TTLL11: variants seen among roughly 807,000 people sequenced by gnomAD.
TTLL11 encodes the protein tubulin tyrosine ligase like 11.
Under a neutral mutation model 51.7 loss-of-function variants are expected in TTLL11, and 42 were observed. That is an observed-to-expected ratio of 0.81 (90% CI 0.64 to 1.05). The LOEUF is 1.05. Ranked by LOEUF, TTLL11 falls within the 50% of genes least tolerant of loss-of-function variation. TTLL11 has a pLI of 0.00. For synonymous variants in TTLL11, 381 were observed against 383.5 expected, an observed-to-expected ratio of 0.99 and a Z score of 0.08; for missense variants, 799 against 940.4, an observed-to-expected ratio of 0.85 and a Z score of 1.97.
chr9:121,912,308 C>T (rs753824545), intron 6 of TTLL11, among the ~76,000 whole-genome samples: 1 of 152,188 alleles, frequency 6.6e-6, no homozygotes, highest in African/African-American at 2.4e-5. Context: ...CCTGAGGAAA[C>T]ATCCAGAACA....
chr9:122,019,146 C>T (rs1019877122), intron 3 of TTLL11, among the ~76,000 whole-genome samples: 1 of 152,196 alleles, frequency 6.6e-6, no homozygotes, highest in African/African-American at 2.4e-5. Flanking sequence ...ATATTACTCA[C>T]CTCTGATCTT....
At chr9:121,967,950 C>T (rs768302711) in intron 6 of TTLL11, among the ~76,000 whole-genome samples, 24 of 152,108 alleles carry the variant, frequency 1.6e-4, no homozygotes, top group Admixed American at 7.9e-4. Flanking sequence ...GCTAAATCTG[C>T]AGAGACAGAA....
At chr9:121,879,326 T>TCCAC (rs1838686813) in intron 6 of TTLL11, among the ~76,000 whole-genome samples, 2 of 152,322 alleles carry the variant, frequency 1.3e-5, no homozygotes, top group African/African-American at 2.4e-5. Flanking sequence ...CCACTGCTCC[T>TCCAC]TCTTGGGAAA....
intron 1 of TTLL11, among the ~76,000 whole-genome samples, chr9:122,069,411 G>A (rs1012372875): frequency 1.2e-4 from 19 of 152,210 alleles, no homozygotes; most frequent in Non-Finnish European, 1.9e-4. Flanking sequence ...GGCTGGGCAT[G>A]GTGGCTCACG....
intron 3 of TTLL11, among the ~76,000 whole-genome samples, chr9:121,998,150 AC>A (rs1843338706): frequency 6.6e-6 from 1 of 152,082 alleles, no homozygotes; most frequent in African/African-American, 2.4e-5. Context: ...AATGTATACG[AC>A]TGGTTATAGT....
chr9:121,944,203 T>C (rs569726036), intron 6 of TTLL11, among the ~76,000 whole-genome samples: 23 of 152,336 alleles, frequency 1.5e-4, no homozygotes, highest in Non-Finnish European at 3.1e-4. Context: ...TTCACTAGTA[T>C]AGCAAGAAAA....
At chr9:122,015,676 CG>C (rs921351193) in intron 3 of TTLL11, among the ~76,000 whole-genome samples, 1 of 152,016 alleles carries the variant, frequency 6.6e-6, no homozygotes, top group Non-Finnish European at 1.5e-5. Flanking sequence ...GCGCTCCCAC[CG>C]GACGGCATCA....
chr9:121,984,237 C>T (rs1564341166), intron 4 of TTLL11, among the ~76,000 whole-genome samples: 1 of 150,628 alleles, frequency 6.6e-6, no homozygotes, highest in Non-Finnish European at 1.5e-5. Context: ...CACTTGTGTT[C>T]CTGTTAGGTT....
At chr9:121,854,844 A>G (rs1837765693) in intron 8 of TTLL11, among the ~76,000 whole-genome samples, 3 of 152,358 alleles carry the variant, frequency 2.0e-5, no homozygotes, top group Middle Eastern at 6.8e-3. Context: ...GAGGGCTACG[A>G]CATCCCAGTT....
intron 4 of TTLL11, among the ~76,000 whole-genome samples, chr9:121,978,474 TTTATTTATTTATTTATTTA>T: frequency 1.7e-5 from 1 of 59,358 alleles, no homozygotes; most frequent in African/African-American, 9.4e-5. Context: ...TATTTATTTA[TTTATTTATTTATTTATTTA>T]TTGAAAATTC....
intron 7 of TTLL11, among the ~76,000 whole-genome samples, 156 bp downstream of exon 7, chr9:121,870,341 C>G (rs1838316016): frequency 6.6e-6 from 1 of 152,158 alleles, no homozygotes; most frequent in Non-Finnish European, 1.5e-5. Context: ...TGAGATTCTA[C>G]CATGTGCCAG....
chr9:121,924,534 A>G lies in TTLL11; in HGVS notation c.1481+49475T>C, dbSNP rs759235658. Reference sequence around the variant, plus strand: ...GAACAATCCTTTCAGAGGAAGATGAAAAAGACTTGGCCAAGCAAGATCGGG... The same window carrying G: ...GAACAATCCTTTCAGAGGAAGATGAGAAAGACTTGGCCAAGCAAGATCGGG... On this transcript the variant is annotated intron_variant, in intron 6 of 8. Coordinates refer to ENST00000321582, the MANE Select transcript of TTLL11 (RefSeq NM_001139442.2). 1.4e-4 allele frequency among the ~76,000 whole-genome samples: 22 copies of G among 152,350 alleles called. No individual in the cohort carries two copies. In the East Asian group the frequency reaches 4.2e-3, roughly 29 times the overall value.
chr9:121,964,374 T>C (rs1842336858), intron 6 of TTLL11, among the ~76,000 whole-genome samples: 1 of 152,152 alleles, frequency 6.6e-6, no homozygotes, highest in Non-Finnish European at 1.5e-5. Flanking sequence ...CTCAGCTCAC[T>C]GCAACCTCTG....
chr9:122,089,741 C>A (rs1311295023), intron 1 of TTLL11, among the ~76,000 whole-genome samples: 1 of 152,158 alleles, frequency 6.6e-6, no homozygotes, highest in East Asian at 1.9e-4. Flanking sequence ...GTAATAATCA[C>A]AAGCCTAATA....
intron 2 of TTLL11, among the ~76,000 whole-genome samples, chr9:122,033,319 G>C (rs1260194035): frequency 6.6e-6 from 1 of 151,818 alleles, no homozygotes; most frequent in African/African-American, 2.4e-5. Context: ...CACCATGTTG[G>C]CCAGGCTGGT....
intron 2 of TTLL11, among the ~76,000 whole-genome samples, chr9:122,032,586 T>A (rs1255173811): frequency 6.7e-6 from 1 of 150,216 alleles, no homozygotes; most frequent in Non-Finnish European, 1.5e-5. Context: ...AGGCGGAGCT[T>A]GCAATGAGCC....
At chr9:122,019,990 G>A (rs1844119405) in intron 3 of TTLL11, among the ~76,000 whole-genome samples, 2 of 152,114 alleles carry the variant, frequency 1.3e-5, no homozygotes, top group Non-Finnish European at 2.9e-5. Flanking sequence ...TGATTGTGAG[G>A]CATCCCCAGC....
At chr9:122,008,395 C>A (rs1336911068) in intron 3 of TTLL11, among the ~76,000 whole-genome samples, 2 of 152,086 alleles carry the variant, frequency 1.3e-5, no homozygotes, top group African/African-American at 4.8e-5. Context: ...AAACAAATAA[C>A]CCTATTAAAG....
At chr9:122,059,002 G>A (rs1291230322) in intron 1 of TTLL11, among the ~76,000 whole-genome samples, 2 of 151,926 alleles carry the variant, frequency 1.3e-5, no homozygotes, top group Non-Finnish European at 2.9e-5. Context: ...TCCACAGCCT[G>A]CAGGTCCTTA....
Sources: gnomAD v4.1 joint callset for allele counts (sites outside exome capture counted in the v4.1 genomes callset) on GRCh38, gnomAD v4.1.1 for gene constraint, MANE v1.5 for transcripts, NCBI Gene and HGNC (gene_info 2026-07-23, HGNC 2026-07-21) for gene names.